Variants in SYT8 observed in about 807,000 individuals in gnomAD.
SYT8 encodes the protein synaptotagmin 8.
A neutral mutation model predicts 34.9 loss-of-function variants in SYT8; 50 were observed. That is an observed-to-expected ratio of 1.43 (90% CI 1.14 to 1.81). SYT8 has a LOEUF of 1.81. Among genes scored for constraint, SYT8 ranks in the 40% most tolerant of loss-of-function variants. SYT8 has a pLI of 0.00. For synonymous variants in SYT8, 255 were observed against 234.2 expected (o/e 1.09, Z -0.81); for missense variants, 595 against 529.0 (o/e 1.12, Z -1.22).
chr11:1,836,904 C>T, intron 6 of SYT8, 43 bp downstream of exon 6: 1 of 1,612,710 alleles, frequency 6.2e-7, no homozygotes, highest in Non-Finnish European at 8.5e-7. Context: ...GAGGGGGGGC[C>T]CGTGCTCAGC....
chr11:1,835,981 G>A lies in SYT8; in HGVS notation c.354G>A (p.Gln118=). The stretch of plus-strand genomic sequence containing the variant: ...CCCTGGAGTTCGACTTTGGAAGCCA[G>A]GAGGTGAAGGGCCCCGCTGCGCAGG... The part of the protein sequence containing the change: ...QLSLEFDFGS[Q]EIRVGLRQAA... Residue 118 remains glutamine (Q), a synonymous_variant, in exon 3 of 8, where the codon CAG becomes CAA. Transcript: ENST00000341958. The A allele has an allele frequency of 6.2e-7, 1 of 1,606,154 alleles. No individual in the cohort carries two copies. Among genetic ancestry groups the A allele is most frequent in the Non-Finnish European group, 8.5e-7 (1 of 1,177,604 alleles).
At position 1,837,105 on chromosome 11, in the gene SYT8, G is replaced by A. The variant is rs370843439; in HGVS notation, c.924+15G>A. ...GCCAGGTCCAGGTGGGCCACCGGGAGGCAGGGGCAGAGCGAGACCCAGTGC... is the reference window on the plus strand; with the variant it reads ...GCCAGGTCCAGGTGGGCCACCGGGAAGCAGGGGCAGAGCGAGACCCAGTGC... On this transcript the variant is annotated intron_variant, in intron 7 of 7. Transcript: ENST00000341958. 3.7e-6 allele frequency: 6 copies of A among 1,612,812 alleles called. No homozygotes were observed. The highest frequency in any genetic ancestry group is 5.1e-6 in the Non-Finnish European group (6 of 1,179,562).
At chr11:1,835,532 G>A (rs1846864910) in intron 2 of SYT8, 73 bp downstream of exon 2, 1 of 1,555,430 alleles carries the variant, frequency 6.4e-7, no homozygotes, top group Non-Finnish European at 8.7e-7. Context: ...AGGGCAGCGA[G>A]GCGAGTTCAG....
chr11:1,835,420 G>C lies in SYT8; in HGVS notation c.219G>C (p.Val73=). ...AGAAGCCCAGGGACAAGGAGTCCGT[G>C]GGTCTGGGCAGTGCCCGCGGCACCA... ...HRKKPRDKES[V]GLGSARGTTT... Residue 73 remains valine (V), a synonymous_variant, in exon 2 of 8, where the codon GTG becomes GTC. Coordinates refer to ENST00000341958, the MANE Select transcript of SYT8 (RefSeq NM_001394072.1). The C allele has an allele frequency of 6.2e-7, 1 of 1,609,750 alleles. No homozygotes were observed. The highest frequency in any genetic ancestry group is 8.5e-7 in the Non-Finnish European group (1 of 1,179,540).
At chr11:1,836,065 T>C (rs767245123) in intron 3 of SYT8, 61 bp from the exon 4 acceptor site, 18 of 1,561,278 alleles carry the variant, frequency 1.2e-5, no homozygotes, top group Non-Finnish European at 1.5e-5. Flanking sequence ...CCCCATGCCC[T>C]GGGTGGTGGG....
rs760244827 is a variant in SYT8 at position 1,835,469 on chromosome 11, G to A, written c.258+10G>A. 1.8e-5 allele frequency: 29 copies of A among 1,608,342 alleles called. No homozygotes were observed. Among genetic ancestry groups the A allele is most frequent in the East Asian group, 2.2e-5 (1 of 44,844 alleles). On this transcript the variant is annotated intron_variant, in intron 2 of 7. Coordinates refer to ENST00000341958, the MANE Select transcript of SYT8 (RefSeq NM_001394072.1). Reference sequence around the variant, plus strand: ...CACCACCACCCACCTGGTGAGGAGCGGCTCCTTGCTCACTCAGTCCAGAGA... The same window carrying A: ...CACCACCACCCACCTGGTGAGGAGCAGCTCCTTGCTCACTCAGTCCAGAGA...
chr11:1,832,783 C>G (rs1232952511), upstream of SYT8, among the ~76,000 whole-genome samples: 3 of 152,186 alleles, frequency 2.0e-5, no homozygotes, highest in Non-Finnish European at 4.4e-5. Context: ...CTGTGCTCCT[C>G]TGGGGACAAG....
chr11:1,834,528 G>T (rs1846790619), upstream of SYT8: 5 of 1,545,428 alleles, frequency 3.2e-6, no homozygotes, highest in African/African-American at 2.7e-5. The surrounding 1 kb of genome is among the most constrained non-coding windows in gnomAD (Gnocchi z 4.5). Flanking sequence ...CCATGACCCT[G>T]CAGACCCCTC....
chr11:1,834,672 A>T (rs1404688318), upstream of SYT8: 32 of 1,506,892 alleles, frequency 2.1e-5, no homozygotes, highest in Non-Finnish European at 2.5e-5. The surrounding 1 kb of genome is among the most constrained non-coding windows in gnomAD (Gnocchi z 4.5). Flanking sequence ...TGAGACCCCC[A>T]GGGATGAGAT....
chr11:1,837,374 C>T lies in SYT8; in HGVS notation c.1107C>T (p.Asp369=). ...CCCTGCGGCCAGCCAGGGAGGTGGA[C>T]CGCATGCTGGCCCTGCAGCCCCGCC... ...RHPLRPAREV[D]RMLALQPRLR... The change falls in exon 8 of 8, where the codon GAC becomes GAT. Residue 369 remains aspartate (D), a synonymous_variant. Coordinates refer to ENST00000341958, the MANE Select transcript of SYT8 (RefSeq NM_001394072.1). 1 of 1,599,190 alleles carries T rather than the reference C, an allele frequency of 6.3e-7. No homozygotes were observed. The highest frequency in any genetic ancestry group is 8.5e-7 in the Non-Finnish European group (1 of 1,176,884).
chr11:1,831,891 C>T (rs867839), upstream of SYT8: 106,357 of 406,928 alleles, frequency 0.26, 14,974 homozygotes, highest in Admixed American at 0.4. Context: ...AAGTGGTGGG[C>T]GTCAGGTGAG....
At chr11:1,835,815 T>C in intron 2 of SYT8, 71 bp from the exon 3 acceptor site, 1 of 1,364,334 alleles carries the variant, frequency 7.3e-7, no homozygotes. Flanking sequence ...ATGCAAGGGC[T>C]GCCCGGGAGC....
At position 1,836,977 on chromosome 11, in the gene SYT8, C is replaced by G; in HGVS notation, c.811C>G (p.Leu271Val). 1.9e-6 allele frequency: 3 copies of G among 1,613,734 alleles called. No homozygotes were observed. Among genetic ancestry groups the G allele is most frequent in the Non-Finnish European group, 2.5e-6 (3 of 1,180,004 alleles). Reference protein sequence around the residue: ...GLAEPYVKVQLMLNQRKWKKR... With the variant: ...GLAEPYVKVQVMLNQRKWKKR... ...CCCAGAGCCCTACGTGAAGGTCCAGCTCATGCTGAACCAGAGGAAGTGGAA... is the reference window on the plus strand; with the variant it reads ...CCCAGAGCCCTACGTGAAGGTCCAGGTCATGCTGAACCAGAGGAAGTGGAA... Residue 271 changes from leucine (L) to valine (V), a missense_variant, in exon 7 of 8, where the codon CTC becomes GTC. By Grantham distance (32) the Leu-to-Val change is conservative (BLOSUM62 1). Coordinates refer to ENST00000341958, the MANE Select transcript of SYT8 (RefSeq NM_001394072.1).
At chr11:1,834,397 C>T (rs546396816), upstream of SYT8, 2 of 663,804 alleles carry the variant, frequency 3.0e-6, no homozygotes, top group East Asian at 2.8e-5. This position sits in a 1 kb window ranked among gnomAD's most constrained non-coding sequence, Gnocchi z 4.5. Context: ...GCACCCTGCC[C>T]CTACCTGCCA....
chr11:1,836,574 C>T lies in SYT8; in HGVS notation c.666C>T (p.Gly222=). 6.2e-7 allele frequency: 1 copy of T among 1,611,276 alleles called. No homozygotes were observed. Residue 222 remains glycine (G), a synonymous_variant, in exon 5 of 8, where the codon GGC becomes GGT. Coordinates refer to ENST00000341958, the MANE Select transcript of SYT8 (RefSeq NM_001394072.1). ...QHVLEHWYLL[G]PPAATQPEQV... Reference sequence around the variant, plus strand: ...TTCTGGAGCACTGGTACCTGCTGGGCCCGCCGGCTGCCACTCAGGTGAGGT... The same window carrying T: ...TTCTGGAGCACTGGTACCTGCTGGGTCCGCCGGCTGCCACTCAGGTGAGGT...
intron 2 of SYT8, 183 bp downstream of exon 2, chr11:1,835,642 G>A: frequency 1.3e-6 from 1 of 795,666 alleles, no homozygotes; most frequent in Non-Finnish European, 2.0e-6. Flanking sequence ...TGCAACAGGG[G>A]CTGCCCCATG....
chr11:1,834,972 C>A, upstream of SYT8: 1 of 891,898 alleles, frequency 1.1e-6, no homozygotes, highest in Non-Finnish European at 1.7e-6. This position sits in a 1 kb window ranked among gnomAD's most constrained non-coding sequence, Gnocchi z 4.5. Context: ...CCACCCCGTG[C>A]TGCCTCCTTG....
In SYT8 at chr11:1,835,090, C is replaced by A; in HGVS notation, c.-16C>A. The A allele has an allele frequency of 1.2e-6, 2 of 1,612,704 alleles. No homozygotes were observed. The highest frequency in any genetic ancestry group is 1.7e-5 in the Admixed American group (1 of 59,986). ...AGCCTCCTGGGCCGCTTCTTCCAAA[C>A]CAGCAGGGTAGAAAGATGGGGCACC... On this transcript the variant is annotated 5_prime_UTR_variant, in exon 1 of 8. Transcript: ENST00000341958.
At chr11:1,834,304 C>CT (rs1846780521), upstream of SYT8, 1 of 544,750 alleles carries the variant, frequency 1.8e-6, no homozygotes, top group Admixed American at 3.5e-5. The surrounding 1 kb of genome is among the most constrained non-coding windows in gnomAD (Gnocchi z 4.5). Flanking sequence ...ACCCACATGC[C>CT]GAAGGGTGGC....
Sources: allele counts gnomAD v4.1 joint callset (sites outside exome capture counted in the v4.1 genomes callset), GRCh38; gene constraint gnomAD v4.1.1; non-coding constraint Gnocchi (gnomAD v3.1); transcripts MANE v1.5; gene names NCBI Gene and HGNC (gene_info 2026-07-23, HGNC 2026-07-21).